ALK: variants seen among roughly 807,000 people sequenced by gnomAD.
ALK encodes ALK receptor tyrosine kinase.
In ALK, 74 loss-of-function variants were observed where a neutral mutation model predicts 163.1. The observed-to-expected ratio is 0.45, with a 90% confidence interval of 0.38 to 0.55. The LOEUF (loss-of-function observed/expected upper bound fraction) is 0.55. ALK is among the 20% of genes least tolerant of loss of function. The probability of loss-of-function intolerance (pLI) is 0.00; values close to 1 mark genes in which losing one functional copy is unlikely to be tolerated. For synonymous variants in ALK, 960 were observed against 843.2 expected, an observed-to-expected ratio of 1.14 and a Z score of -2.40; for missense variants, 2,063 against 2,105.3, an observed-to-expected ratio of 0.98 and a Z score of 0.39.
chr2:29,311,771 AG>A (rs1431969867), intron 8 of ALK, among the ~76,000 whole-genome samples: 1 of 152,126 alleles, frequency 6.6e-6, no homozygotes, highest in Non-Finnish European at 1.5e-5. Context: ...ATTTATAAAA[AG>A]GTGACAATAT....
intron 4 of ALK, among the ~76,000 whole-genome samples, chr2:29,432,658 C>T (rs950339612): frequency 2.6e-5 from 4 of 152,070 alleles, no homozygotes; most frequent in African/African-American, 9.7e-5. Context: ...GGCCATGTTC[C>T]TATAATTCCA....
intron 6 of ALK, among the ~76,000 whole-genome samples, chr2:29,323,839 C>T (rs1181188612): frequency 6.6e-6 from 1 of 152,220 alleles, no homozygotes; most frequent in Non-Finnish European, 1.5e-5. Context: ...TCGCCCCAAG[C>T]TCCTACTCAG....
Position 29,220,694 on chromosome 2 carries a change from G to C in ALK, c.3645+12C>G, listed in dbSNP as rs753965995. 4 of 1,613,208 alleles carry C rather than the reference G, an allele frequency of 2.5e-6. No individual in the cohort carries two copies. In the East Asian group the frequency reaches 6.7e-5, roughly 27 times the overall value. Reference sequence around the variant, plus strand: ...GGCACAACAACTGCAGCAAAGACTGGTTCTCACTCACCGGGCGAGGGCGGG... The same window carrying C: ...GGCACAACAACTGCAGCAAAGACTGCTTCTCACTCACCGGGCGAGGGCGGG... On this transcript the variant is annotated intron_variant, in intron 23 of 28. Transcript: ENST00000389048.
chr2:29,540,924 A>G (rs1673395899), intron 3 of ALK, among the ~76,000 whole-genome samples: 1 of 152,170 alleles, frequency 6.6e-6, no homozygotes, highest in South Asian at 2.1e-4. Context: ...CCCAATTCAA[A>G]CTACAATCCA....
At chr2:29,682,113 T>C (rs559533103) in intron 3 of ALK, among the ~76,000 whole-genome samples, 3 of 152,334 alleles carry the variant, frequency 2.0e-5, no homozygotes, top group African/African-American at 4.8e-5. Context: ...GTTCTGCCTA[T>C]TCTGTTTCCA....
chr2:29,259,082 G>A lies in ALK; in HGVS notation c.2042-7815C>T, dbSNP rs543549049. Among the ~76,000 whole-genome samples, 76 of 152,118 alleles carry A rather than the reference G, an allele frequency of 5.0e-4. 1 individual carries two copies. The highest frequency in any genetic ancestry group is 3.0e-3 in the Admixed American group (46 of 15,290). On this transcript the variant is annotated intron_variant, in intron 11 of 28. Coordinates refer to ENST00000389048, the MANE Select transcript of ALK (RefSeq NM_004304.5). ...ACGACAGGACTTTTTATTTAACCTC[G>A]TGTATATCATATCTGCATTTCTTTT...
intron 3 of ALK, among the ~76,000 whole-genome samples, chr2:29,575,732 C>A (rs1165001878): frequency 6.6e-6 from 1 of 152,164 alleles, no homozygotes; most frequent in Admixed American, 6.5e-5. Flanking sequence ...GGCAATTTTG[C>A]CGGCAGATAA....
At chr2:29,204,357 T>G (rs1669259907) in intron 26 of ALK, among the ~76,000 whole-genome samples, 1 of 152,230 alleles carries the variant, frequency 6.6e-6, no homozygotes, top group African/African-American at 2.4e-5. Flanking sequence ...TCTTGTTTCT[T>G]TGGGCTTCTC....
chr2:29,279,911 T>C (rs1665663040), intron 9 of ALK, among the ~76,000 whole-genome samples: 1 of 152,200 alleles, frequency 6.6e-6, no homozygotes, highest in Non-Finnish European at 1.5e-5. Flanking sequence ...TGGACCACCA[T>C]GGGACTGAGG....
intron 5 of ALK, among the ~76,000 whole-genome samples, chr2:29,351,316 G>A (rs12995850): frequency 0.15 from 23,179 of 152,152 alleles, 2,165 homozygotes; most frequent in Middle Eastern, 0.26. Context: ...TCTCCCTGAA[G>A]GCTTCACAAA....
chr2:29,412,075 G>C (rs1481266652), intron 4 of ALK, among the ~76,000 whole-genome samples: 1 of 152,182 alleles, frequency 6.6e-6, no homozygotes, highest in Non-Finnish European at 1.5e-5. Flanking sequence ...CAAATGTTAT[G>C]TCCAGGTAGT....
chr2:29,918,639 T>C (rs1349224108), intron 1 of ALK, among the ~76,000 whole-genome samples: 1 of 152,238 alleles, frequency 6.6e-6, no homozygotes, highest in Non-Finnish European at 1.5e-5. Context: ...CATACTAGTA[T>C]GTATTCTGTG....
At chr2:29,647,430 AT>A (rs1676910436) in intron 3 of ALK, among the ~76,000 whole-genome samples, 1 of 152,008 alleles carries the variant, frequency 6.6e-6, no homozygotes, top group South Asian at 2.1e-4. Context: ...TGACTTCCCC[AT>A]TCTTAGTCTT....
intron 8 of ALK, among the ~76,000 whole-genome samples, chr2:29,317,273 A>T (rs1422758458): frequency 6.6e-6 from 1 of 152,224 alleles, no homozygotes; most frequent in Non-Finnish European, 1.5e-5. Context: ...ACTGAGCCAG[A>T]CAGGAATTTC....
At chr2:29,197,444 C>T (rs1253176214) in intron 27 of ALK, 98 bp downstream of exon 27, 16 of 1,566,278 alleles carry the variant, frequency 1.0e-5, no homozygotes, top group East Asian at 2.3e-5. Context: ...GGGCAGCCAT[C>T]TGCCCCTTCA....
intron 1 of ALK, among the ~76,000 whole-genome samples, chr2:29,854,828 T>C (rs1339293467): frequency 6.6e-6 from 1 of 152,246 alleles, no homozygotes; most frequent in Non-Finnish European, 1.5e-5. Flanking sequence ...ATGTTCTAAA[T>C]ACTTTACCAA....
At chr2:29,869,493 C>T (rs1020894751) in intron 1 of ALK, among the ~76,000 whole-genome samples, 2 of 152,082 alleles carry the variant, frequency 1.3e-5, no homozygotes, top group Admixed American at 6.5e-5. Context: ...TTAAAGGAAG[C>T]ATCACAAATC....
chr2:29,503,849 C>T (rs1448736098), intron 4 of ALK, among the ~76,000 whole-genome samples: 3 of 151,964 alleles, frequency 2.0e-5, no homozygotes, highest in Non-Finnish European at 4.4e-5. Context: ...GTGTTTAGTG[C>T]TGTGTTACTG....
intron 3 of ALK, among the ~76,000 whole-genome samples, chr2:29,605,324 C>T (rs943445275): frequency 1.3e-5 from 2 of 152,164 alleles, no homozygotes; most frequent in South Asian, 2.1e-4. Context: ...CCTGCTGCTG[C>T]GGCCCGATTC....
Sources: gnomAD v4.1 joint callset for allele counts (sites outside exome capture counted in the v4.1 genomes callset) on GRCh38, gnomAD v4.1.1 for gene constraint, MANE v1.5 for transcripts, NCBI Gene and HGNC (gene_info 2026-07-23, HGNC 2026-07-21) for gene names.